Variants in MEP1A observed in about 807,000 individuals in gnomAD.
The protein encoded by MEP1A is meprin A subunit alpha.
Under a neutral mutation model 84.5 loss-of-function variants are expected in MEP1A, and 68 were observed. That is an observed-to-expected ratio of 0.80 (90% CI 0.66 to 0.98). MEP1A has a LOEUF of 0.98. Ranked by LOEUF, MEP1A falls within the 50% of genes least tolerant of loss-of-function variation. MEP1A has a pLI of 0.00. For synonymous variants in MEP1A, 337 were observed against 336.8 expected, an observed-to-expected ratio of 1.00 and a Z score of -0.01; for missense variants, 887 against 919.9, an observed-to-expected ratio of 0.96 and a Z score of 0.46.
intron 6 of MEP1A, among the ~76,000 whole-genome samples, chr6:46,816,644 T>G (rs1767642542): frequency 6.6e-6 from 1 of 151,916 alleles, no homozygotes; most frequent in African/African-American, 2.4e-5. Flanking sequence ...AGAGCAAACA[T>G]GAACCTGAAC....
Position 46,833,082 on chromosome 6 carries a change from G to A in MEP1A, c.1153G>A (p.Asp385Asn), listed in dbSNP as rs1448596818. 1.1e-5 allele frequency: 16 copies of A among 1,520,358 alleles called. No homozygotes were observed. The highest frequency in any genetic ancestry group is 1.4e-5 in the Non-Finnish European group (16 of 1,136,472). 94.2% of individuals were successfully genotyped at this position (1,520,358 alleles called of 1,614,324 possible). A position where few individuals can be genotyped will look rare whatever the true frequency, so the allele number is the denominator to read the frequency against. ...TTGTTCTCTGTCCTCAGGAGATGAT[G>A]ACCACAATTGGAAAATTGCCCATGT... ...VKVQTFQGDDDHNWKIAHVVL... is the reference protein window; with the variant it reads ...VKVQTFQGDDNHNWKIAHVVL... The change falls in exon 11 of 14, where the codon GAC becomes AAC. Residue 385 changes from aspartate (D) to asparagine (N), a missense_variant. Coordinates refer to ENST00000230588, the MANE Select transcript of MEP1A (RefSeq NM_005588.3).
At chr6:46,829,903 A>G (rs977851441) in intron 10 of MEP1A, among the ~76,000 whole-genome samples, 8 of 152,116 alleles carry the variant, frequency 5.3e-5, no homozygotes, top group Non-Finnish European at 7.4e-5. Flanking sequence ...TGGATGGTTC[A>G]GGAGTGGAGA....
rs565104349 is a variant in MEP1A, at chr6:46,801,880, C to T, written c.262+2699C>T. Among the ~76,000 whole-genome samples the T allele has an allele frequency of 4.2e-3, 642 of 152,100 alleles. 8 individuals are homozygous for T. Among genetic ancestry groups the T allele is most frequent in the African/African-American group, 0.014 (581 of 41,530 alleles). The stretch of plus-strand genomic sequence containing the variant: ...TTTGCTTTCCTCATTAAGTACTCTT[C>T]GCAAGAGTCTCGTTTGCCAAGTTTG... On this transcript the variant is annotated intron_variant, in intron 5 of 13. Coordinates refer to ENST00000230588, the MANE Select transcript of MEP1A (RefSeq NM_005588.3).
chr6:46,803,209 A>G (rs996943068), intron 5 of MEP1A, among the ~76,000 whole-genome samples: 3 of 151,588 alleles, frequency 2.0e-5, no homozygotes, highest in Non-Finnish European at 3.0e-5. Flanking sequence ...GTGGGATAGT[A>G]TTTTTATAAT....
At chr6:46,822,911 A>G (rs1767815214) in intron 7 of MEP1A, among the ~76,000 whole-genome samples, 1 of 152,192 alleles carries the variant, frequency 6.6e-6, no homozygotes, top group Non-Finnish European at 1.5e-5. Flanking sequence ...GCTTTGCTTC[A>G]GGTGCCACTG....
intron 5 of MEP1A, among the ~76,000 whole-genome samples, chr6:46,804,025 T>G (rs1163434561): frequency 2.6e-5 from 4 of 151,700 alleles, no homozygotes; most frequent in Non-Finnish European, 4.4e-5. Context: ...AGTGTTAGAA[T>G]TTTTTATTTA....
At chr6:46,812,376 A>G (rs544722396) in intron 6 of MEP1A, among the ~76,000 whole-genome samples, 2 of 152,012 alleles carry the variant, frequency 1.3e-5, no homozygotes, top group Admixed American at 6.5e-5. Context: ...TTCTTGGTTA[A>G]TCTCACTAAT....
At chr6:46,807,528 G>GAA (rs1405216819) in intron 5 of MEP1A, among the ~76,000 whole-genome samples, 2 of 30,782 alleles carry the variant, frequency 6.5e-5, no homozygotes, top group African/African-American at 3.1e-4. Flanking sequence ...AAGAAAGAAA[G>GAA]AAAGAAAGAA....
chr6:46,833,467 A>C lies in MEP1A; in HGVS notation c.1538A>C (p.Gln513Pro). 6.2e-7 allele frequency: 1 copy of C among 1,614,180 alleles called. No individual in the cohort carries two copies. The highest frequency in any genetic ancestry group is 1.7e-5 in the Admixed American group (1 of 60,022). ...CAGGTGATAATTACCATCCTTGACCAGGAGCCTGATGTCCGGAACAGGATG... is the reference window on the plus strand; with the variant it reads ...CAGGTGATAATTACCATCCTTGACCCGGAGCCTGATGTCCGGAACAGGATG... Reference protein sequence around the residue: ...NRQVIITILDQEPDVRNRMSS... With the variant: ...NRQVIITILDPEPDVRNRMSS... The change falls in exon 11 of 14, where the codon CAG becomes CCG. Residue 513 changes from glutamine to proline, a missense_variant. Transcript: ENST00000230588.
rs374115181 is a variant in MEP1A at position 46,833,554 on chromosome 6, G to T, written c.1609+16G>T. 2 of 1,598,550 alleles carry T rather than the reference G, an allele frequency of 1.3e-6. No individual in the cohort carries two copies. The highest frequency in any genetic ancestry group is 3.3e-5 in the Admixed American group (2 of 59,924). Reference sequence around the variant, plus strand: ...ACATCTCCAGGTGGGTGGTGTCAGCGCAAATAAGAACTGCCCCTTGAACCA... The same window carrying T: ...ACATCTCCAGGTGGGTGGTGTCAGCTCAAATAAGAACTGCCCCTTGAACCA... On this transcript the variant is annotated intron_variant, in intron 11 of 13. Transcript: ENST00000230588.
In MEP1A at chr6:46,835,330, A is replaced by C; in HGVS notation, c.1865A>C (p.Glu622Ala). 6.2e-7 allele frequency: 1 copy of C among 1,609,298 alleles called. No homozygotes were observed. The highest frequency in any genetic ancestry group is 8.5e-7 in the Non-Finnish European group (1 of 1,177,884). The change falls in exon 13 of 14, where the codon GAG (glutamate) becomes GCG (alanine). Residue 622 changes from glutamate to alanine, a missense_variant. Coordinates refer to ENST00000230588, the MANE Select transcript of MEP1A (RefSeq NM_005588.3). The stretch of plus-strand genomic sequence containing the variant: ...CAAGGCCTCATTCTCCAAGGCCAGG[A>C]GCAGCAGGTCTCCGAAGAAGGTTCG... ...SPQGLILQGQ[E>A]QQVSEEGSGK...
At chr6:46,823,156 A>G (rs1011414629) in intron 7 of MEP1A, among the ~76,000 whole-genome samples, 2 of 152,256 alleles carry the variant, frequency 1.3e-5, no homozygotes, top group African/African-American at 4.8e-5. Context: ...CAGTTAAAGC[A>G]AGATATTGCT....
chr6:46,834,197 A>G (rs946016240), intron 11 of MEP1A, among the ~76,000 whole-genome samples: 1 of 151,926 alleles, frequency 6.6e-6, no homozygotes, highest in Non-Finnish European at 1.5e-5. Context: ...TGCTAGGATT[A>G]CAGGCGTGAG....
chr6:46,839,951 A>G (rs1014065742), downstream of MEP1A, among the ~76,000 whole-genome samples: 1 of 152,036 alleles, frequency 6.6e-6, no homozygotes, highest in African/African-American at 2.4e-5. Flanking sequence ...ACTTTAAAGA[A>G]GTATTTTTAG....
chr6:46,799,708 T>C (rs1767150584), intron 5 of MEP1A, among the ~76,000 whole-genome samples: 1 of 152,194 alleles, frequency 6.6e-6, no homozygotes, highest in South Asian at 2.1e-4. Flanking sequence ...TACTCATTGT[T>C]AGAAATAATG....
intron 3 of MEP1A, among the ~76,000 whole-genome samples, chr6:46,798,343 C>T (rs777850700): frequency 1.3e-5 from 2 of 152,110 alleles, no homozygotes; most frequent in Non-Finnish European, 2.9e-5. Flanking sequence ...TCAGTAAAAT[C>T]CCTTCTAACT....
At chr6:46,834,511 T>A (rs1246480690) in intron 11 of MEP1A, 67 bp from the exon 12 acceptor site, 4 of 859,118 alleles carry the variant, frequency 4.7e-6, no homozygotes, top group Non-Finnish European at 7.0e-6. Flanking sequence ...TGTATCCTCA[T>A]TAAAGACAAA....
intron 7 of MEP1A, among the ~76,000 whole-genome samples, chr6:46,825,056 ATG>A (rs1252232022): frequency 0.016 from 1,351 of 85,566 alleles, 227 homozygotes; most frequent in African/African-American, 0.036. Context: ...TTTATAAATT[ATG>A]TATTTAAATA....
Position 46,825,277 on chromosome 6 carries a change from C to G in MEP1A, c.562C>G (p.Gln188Glu). Residue 188 changes from glutamine to glutamate, a missense_variant, in exon 8 of 14, where the codon CAG becomes GAG. Transcript: ENST00000230588. ...IWWDQILSGY[Q>E]HNFDTYDDSL... ...GTGGATTCTCTCCCTAACAGGTTAC[C>G]AGCACAACTTTGACACCTATGATGA... The G allele has an allele frequency of 6.2e-7, 1 of 1,608,172 alleles. No individual in the cohort carries two copies. Among genetic ancestry groups the G allele is most frequent in the Non-Finnish European group, 8.5e-7 (1 of 1,176,442 alleles).
Sources: gnomAD v4.1 joint callset for allele counts (sites outside exome capture counted in the v4.1 genomes callset) on GRCh38, gnomAD v4.1.1 for gene constraint, MANE v1.5 for transcripts, NCBI Gene and HGNC (gene_info 2026-07-23, HGNC 2026-07-21) for gene names.